The following DLC1 variants were observed in gnomAD, a reference collection of about 807,000 sequenced individuals.
DLC1 encodes the protein rho GTPase-activating protein 7.
A neutral mutation model predicts 140.3 loss-of-function variants in DLC1; 54 were observed. The ratio of observed to expected loss-of-function variants is 0.38; its 90% CI spans 0.31 to 0.48. DLC1 has a LOEUF of 0.48. DLC1 is among the 20% of genes least tolerant of loss of function. The pLI, the probability that DLC1 is intolerant of heterozygous loss-of-function variation, is 0.96. For synonymous variants in DLC1, 986 were observed against 728.1 expected (o/e 1.35, Z -5.70); for missense variants, 2,536 against 1,907.0 (o/e 1.33, Z -6.14).
rs1341684121 is a variant in DLC1 at position 13,499,297 on chromosome 8, C to A, written c.775G>T (p.Asp259Tyr). 5 of 1,613,980 alleles carry A rather than the reference C, an allele frequency of 3.1e-6. No homozygotes were observed. In the African/African-American group the frequency reaches 6.7e-5, roughly 22 times the overall value. ...AGTCCTCTGTTTGTGCAAGGAGTAT[C>A]CAAGAACTCATTTTGTACTACATTG... ...TCNVVQNEFL[D>Y]TPCTNRGLPL... The change falls in exon 2 of 18, where the codon GAT (aspartate) becomes TAT (tyrosine). Residue 259 changes from aspartate (D) to tyrosine (Y), a missense_variant. Asp to Tyr is a radical substitution (Grantham distance 160). Coordinates refer to ENST00000276297, the MANE Select transcript of DLC1 (RefSeq NM_182643.3).
chr8:13,496,577 T>TATAC (rs1801512198), intron 2 of DLC1, among the ~76,000 whole-genome samples: 1 of 128,684 alleles, frequency 7.8e-6, no homozygotes, highest in African/African-American at 2.8e-5. Flanking sequence ...CATATATATA[T>TATAC]ACACACACAC....
intron 4 of DLC1, among the ~76,000 whole-genome samples, chr8:13,369,698 T>C (rs1835645900): frequency 6.6e-6 from 1 of 152,090 alleles, no homozygotes; most frequent in Non-Finnish European, 1.5e-5. Flanking sequence ...TGCTAGCTAC[T>C]TCCTTGGTCC....
chr8:13,352,476 G>T (rs1049676545), intron 4 of DLC1, among the ~76,000 whole-genome samples: 1 of 151,944 alleles, frequency 6.6e-6, no homozygotes, highest in African/African-American at 2.4e-5. Context: ...TGACCTCCTG[G>T]GCTCAAGCAG....
intron 2 of DLC1, among the ~76,000 whole-genome samples, chr8:13,442,029 G>C (rs1225432283): frequency 6.6e-6 from 1 of 152,202 alleles, no homozygotes; most frequent in Non-Finnish European, 1.5e-5. Context: ...GAATAGAACA[G>C]AGCCCTCAGA....
At chr8:13,451,157 A>G (rs1426859330) in intron 2 of DLC1, among the ~76,000 whole-genome samples, 1 of 151,714 alleles carries the variant, frequency 6.6e-6, no homozygotes, top group Non-Finnish European at 1.5e-5. Context: ...AAAAACAAAG[A>G]TGTATAAAGG....
intron 4 of DLC1, among the ~76,000 whole-genome samples, chr8:13,389,865 T>C (rs1836674214): frequency 6.6e-6 from 1 of 152,202 alleles, no homozygotes; most frequent in South Asian, 2.1e-4. Flanking sequence ...AATGATTGTG[T>C]CATTACAGAG....
rs551677844 is a variant in DLC1 at position 13,161,037 on chromosome 8, C to T, written c.1349-45380G>A. Among the ~76,000 whole-genome samples the T allele has an allele frequency of 3.0e-4, 46 of 152,284 alleles. No individual in the cohort carries two copies. In the East Asian group the frequency reaches 5.2e-3, roughly 17 times the overall value. The stretch of plus-strand genomic sequence containing the variant: ...CAGAGCTTGCAGTGAGCCGAGATCG[C>T]GCCACTGCTCTCCAGCCTGGGCGAC... On this transcript the variant is annotated intron_variant, in intron 5 of 17. Transcript: ENST00000276297.
At chr8:13,483,938 C>T (rs1274439018) in intron 2 of DLC1, among the ~76,000 whole-genome samples, 1 of 150,348 alleles carries the variant, frequency 6.7e-6, no homozygotes, top group East Asian at 2.0e-4. Context: ...AGAAAAAAGC[C>T]AGGTGTGGTA....
chr8:13,579,245 C>CATATATATATATAT (rs749246152), intron 1 of DLC1, among the ~76,000 whole-genome samples: 695 of 18,860 alleles, frequency 0.037, 130 homozygotes, highest in Non-Finnish European at 0.048. Context: ...GAACAGGGAG[C>CATATATATATATAT]ATATATATAT....
At chr8:13,160,615 G>T (rs573718683) in intron 5 of DLC1, among the ~76,000 whole-genome samples, 1 of 152,258 alleles carries the variant, frequency 6.6e-6, no homozygotes, top group Non-Finnish European at 1.5e-5. Context: ...ACCTGGCATA[G>T]GTTAAACCAC....
Position 13,417,670 on chromosome 8 carries a change from T to TA in DLC1, c.1024-16052dup, listed in dbSNP as rs1244874452. On this transcript the variant is annotated intron_variant, in intron 2 of 17. Transcript: ENST00000276297. ...ATTGTGAATAGTGCCGCAATAAACATACGTCTGCATGTGTCTTTATAGCAG... is the reference window on the plus strand; with the variant it reads ...ATTGTGAATAGTGCCGCAATAAACATAACGTCTGCATGTGTCTTTATAGCAG... Among the ~76,000 whole-genome samples the TA allele has an allele frequency of 1.1e-4, 17 of 152,312 alleles. No individual in the cohort carries two copies. In the East Asian group the frequency reaches 3.3e-3, roughly 29 times the overall value.
At chr8:13,313,618 A>ATACAT in intron 4 of DLC1, among the ~76,000 whole-genome samples, 1 of 152,164 alleles carries the variant, frequency 6.6e-6, no homozygotes, top group East Asian at 1.9e-4. Context: ...TGAGATTAAA[A>ATACAT]AGCAACTACT....
At chr8:13,414,030 T>C (rs1585066244) in intron 2 of DLC1, among the ~76,000 whole-genome samples, 1 of 152,118 alleles carries the variant, frequency 6.6e-6, no homozygotes, top group African/African-American at 2.4e-5. Context: ...TAAACGCTTA[T>C]TGAAAACAAA....
chr8:13,600,412 G>A (rs1273866970), intron 1 of DLC1, among the ~76,000 whole-genome samples: 2 of 151,780 alleles, frequency 1.3e-5, no homozygotes, highest in African/African-American at 2.4e-5. Context: ...AGAAATGTAT[G>A]GTTATTCGTG....
rs1008463965 is a variant in DLC1, at chr8:13,117,732, C to T, written c.1349-2075G>A. Among the ~76,000 whole-genome samples the T allele has an allele frequency of 3.9e-5, 6 of 152,254 alleles. No homozygotes were observed. In the East Asian group the frequency reaches 5.8e-4, roughly 15 times the overall value. Reference sequence around the variant, plus strand: ...TGAGTAACCAAAAATTCTCAGTGCCCGCCCTTTTTTGACGATAGTCAGACA... The same window carrying T: ...TGAGTAACCAAAAATTCTCAGTGCCTGCCCTTTTTTGACGATAGTCAGACA... On this transcript the variant is annotated intron_variant, in intron 5 of 17. Coordinates refer to ENST00000276297, the MANE Select transcript of DLC1 (RefSeq NM_182643.3).
In DLC1 at chr8:13,154,459, C is replaced by G. The variant is rs114792816; in HGVS notation, c.1349-38802G>C. 9.7e-3 allele frequency among the ~76,000 whole-genome samples: 1,470 copies of G among 152,328 alleles called. 18 individuals carry two copies. Among genetic ancestry groups the G allele is most frequent in the African/African-American group, 0.033 (1,359 of 41,586 alleles). On this transcript the variant is annotated intron_variant, in intron 5 of 17. Transcript: ENST00000276297. ...GCCTGCGTGCTAAGCCCCTTACTGC[C>G]CAGGGCCGGCGGTGCCGGCCAGCTG...
rs140302163 is a variant in DLC1 at position 13,242,146 on chromosome 8, C to T, written c.1348+63123G>A. Among the ~76,000 whole-genome samples, 571 of 152,234 alleles carry T rather than the reference C, an allele frequency of 3.8e-3. 4 individuals carry two copies. The highest frequency in any genetic ancestry group is 0.013 in the African/African-American group (528 of 41,550). ...CTGTTGAGTAAGGCAGTAATGTCCT[C>T]ATATAAACAGGTTGTTCATCTTGTC... is the stretch of plus-strand genomic sequence containing the variant. On this transcript the variant is annotated intron_variant, in intron 5 of 17. Coordinates refer to ENST00000276297, the MANE Select transcript of DLC1 (RefSeq NM_182643.3).
chr8:13,304,483 C>G lies in DLC1; in HGVS notation c.1348+786G>C, dbSNP rs73663534. ...CTGACATAGACAGCAAACACCCCCG[C>G]CAGACAAACTCTACTGCTTTAGTGT... is the stretch of plus-strand genomic sequence containing the variant. On this transcript the variant is annotated intron_variant, in intron 5 of 17. Coordinates refer to ENST00000276297, the MANE Select transcript of DLC1 (RefSeq NM_182643.3). 2.8e-3 allele frequency: 581 copies of G among 204,138 alleles called. 5 individuals carry two copies. Among genetic ancestry groups the G allele is most frequent in the African/African-American group, 0.012 (503 of 42,458 alleles). The allele number at this position is 204,138 out of a possible 1,614,324, so 12.6% of individuals were successfully genotyped here.
chr8:13,198,547 A>G (rs1827199212), intron 5 of DLC1, among the ~76,000 whole-genome samples: 1 of 152,232 alleles, frequency 6.6e-6, no homozygotes, highest in Non-Finnish European at 1.5e-5. Flanking sequence ...AGTTATTTCT[A>G]TATGACTTCA....
Sources: gnomAD v4.1 joint callset for allele counts (sites outside exome capture counted in the v4.1 genomes callset) on GRCh38, gnomAD v4.1.1 for gene constraint, MANE v1.5 for transcripts, NCBI Gene and HGNC (gene_info 2026-07-23, HGNC 2026-07-21) for gene names.